SEC24D: variants seen among roughly 807,000 people sequenced by gnomAD.
SEC24D encodes SEC24 homolog D, COPII component.
SEC24D carries 69 observed loss-of-function variants against 116.9 expected under a neutral mutation model. That is an observed-to-expected ratio of 0.59 (90% confidence interval 0.49 to 0.72). The LOEUF is 0.72. SEC24D is among the 30% of genes least tolerant of loss of function. The pLI, the probability that SEC24D is intolerant of heterozygous loss-of-function variation, is 0.00. For synonymous variants in SEC24D, 405 were observed against 442.8 expected, an observed-to-expected ratio of 0.91 and a Z score of 1.07; for missense variants, 1,131 against 1,264.1, an observed-to-expected ratio of 0.89 and a Z score of 1.60.
At chr4:118,833,536 G>T in intron 2 of SEC24D, 43 bp downstream of exon 2, 2 of 1,322,092 alleles carry the variant, frequency 1.5e-6, no homozygotes, top group Non-Finnish European at 2.2e-6. Context: ...CTCTGAGCCT[G>T]AGAACTGAAT....
At chr4:118,732,205 GC>G (rs1725728262) in intron 20 of SEC24D, among the ~76,000 whole-genome samples, 1 of 152,028 alleles carries the variant, frequency 6.6e-6, no homozygotes, top group Non-Finnish European at 1.5e-5. Context: ...CACTATCTCG[GC>G]TCACTGCAAC....
intron 6 of SEC24D, among the ~76,000 whole-genome samples, chr4:118,812,616 C>T (rs1456350059): frequency 6.6e-6 from 1 of 151,600 alleles, no homozygotes; most frequent in African/African-American, 2.4e-5. Flanking sequence ...AGTCGGAGAC[C>T]CAGGGCCACT....
intron 6 of SEC24D, among the ~76,000 whole-genome samples, chr4:118,814,577 C>A (rs546896483): frequency 1.1e-4 from 17 of 152,242 alleles, no homozygotes; most frequent in African/African-American, 4.1e-4. Flanking sequence ...TTAGTTCTAA[C>A]TTTACATTAA....
In SEC24D at chr4:118,750,187, CGTT is replaced by C. The variant is rs200676153; in HGVS notation, c.1707+1806_1707+1808del. 1.2e-3 allele frequency among the ~76,000 whole-genome samples: 186 copies of C among 152,290 alleles called. 2 individuals are homozygous for C. In the East Asian group the frequency reaches 0.017, roughly 14 times the overall value. On this transcript the variant is annotated intron_variant, in intron 13 of 22. Transcript: ENST00000280551. ...GGCTGACTATACTGATTGCTGCAGT[CGTT>C]GTACTGCGTGAGCAACCTTGGAGAA... is the stretch of plus-strand genomic sequence containing the variant.
At chr4:118,769,581 C>A (rs1475502517) in intron 8 of SEC24D, among the ~76,000 whole-genome samples, 1 of 152,092 alleles carries the variant, frequency 6.6e-6, no homozygotes, top group Non-Finnish European at 1.5e-5. Flanking sequence ...AAACCGAGAT[C>A]CCCCATTGTC....
intron 8 of SEC24D, among the ~76,000 whole-genome samples, chr4:118,795,661 A>G (rs1042631651): frequency 6.6e-6 from 1 of 152,242 alleles, no homozygotes; most frequent in Admixed American, 6.5e-5. Context: ...TGTACAAAAT[A>G]GAGCATACTT....
chr4:118,774,720 C>T (rs1435767119), intron 8 of SEC24D, among the ~76,000 whole-genome samples: 1 of 152,124 alleles, frequency 6.6e-6, no homozygotes, highest in Non-Finnish European at 1.5e-5. Context: ...GGTAAGCATT[C>T]TAATTGTCTC....
intron 3 of SEC24D, among the ~76,000 whole-genome samples, chr4:118,819,286 C>G (rs1730287493): frequency 6.6e-6 from 1 of 151,920 alleles, no homozygotes. Context: ...AATTCCAGCA[C>G]TTTGGGAGGC....
intron 6 of SEC24D, among the ~76,000 whole-genome samples, chr4:118,806,535 G>A (rs566077805): frequency 1.3e-5 from 2 of 151,570 alleles, no homozygotes; most frequent in East Asian, 3.9e-4. Context: ...CTCTCCCTAT[G>A]TTGCCCAGGC....
chr4:118,784,753 C>T (rs1728593655), intron 8 of SEC24D, among the ~76,000 whole-genome samples: 1 of 150,448 alleles, frequency 6.6e-6, no homozygotes, highest in African/African-American at 2.4e-5. Flanking sequence ...CCCCCCCCGC[C>T]ACCAAATACA....
At chr4:118,725,357 A>T (rs181433285) in intron 22 of SEC24D, among the ~76,000 whole-genome samples, 7 of 152,208 alleles carry the variant, frequency 4.6e-5, no homozygotes, top group African/African-American at 1.7e-4. Context: ...GATGAACCTG[A>T]AGTCAGGATT....
At chr4:118,772,170 T>A (rs1254698079) in intron 8 of SEC24D, among the ~76,000 whole-genome samples, 1 of 152,218 alleles carries the variant, frequency 6.6e-6, no homozygotes, top group African/African-American at 2.4e-5. Flanking sequence ...CAAGCCTGGC[T>A]ACAGTATTTC....
intron 8 of SEC24D, among the ~76,000 whole-genome samples, chr4:118,791,254 A>G (rs910891093): frequency 6.6e-6 from 1 of 152,058 alleles, no homozygotes; most frequent in Non-Finnish European, 1.5e-5. Flanking sequence ...ACCCAAGGAG[A>G]GATTTCAGAG....
At position 118,815,684 on chromosome 4, in the gene SEC24D, A is replaced by G. The variant is rs2110524766; in HGVS notation, c.440T>C (p.Leu147Pro). The G allele has an allele frequency of 1.2e-6, 2 of 1,614,178 alleles. No homozygotes were observed. The highest frequency in any genetic ancestry group is 4.5e-5 in the East Asian group (2 of 44,880). Residue 147 changes from leucine (L) to proline (P), a missense_variant, in exon 5 of 23, where the codon CTG becomes CCG. Leu to Pro is a moderately conservative substitution (Grantham distance 98, BLOSUM62 -3). Coordinates refer to ENST00000280551, the MANE Select transcript of SEC24D (RefSeq NM_014822.4). Reference sequence around the variant, plus strand: ...AGGAGTCTGCAATGATGTGGCTGACAGAGGGCCAGGGGGTCCCTGGCTTGG... The same window carrying G: ...AGGAGTCTGCAATGATGTGGCTGACGGAGGGCCAGGGGGTCCCTGGCTTGG... ...APPSQGPPGP[L>P]SATSLQTPPR...
At chr4:118,770,685 C>T (rs1309350443) in intron 8 of SEC24D, among the ~76,000 whole-genome samples, 1 of 152,134 alleles carries the variant, frequency 6.6e-6, no homozygotes. Flanking sequence ...GCAAATTTGA[C>T]CTTATTATCA....
intron 13 of SEC24D, among the ~76,000 whole-genome samples, chr4:118,749,331 A>G (rs1349032867): frequency 2.0e-5 from 3 of 152,210 alleles, no homozygotes; most frequent in African/African-American, 7.2e-5. Context: ...GTTTATCTTC[A>G]TGACAAATTA....
intron 2 of SEC24D, among the ~76,000 whole-genome samples, chr4:118,828,389 G>A (rs540516848): frequency 1.4e-4 from 22 of 152,240 alleles, no homozygotes; most frequent in East Asian, 7.7e-4. Flanking sequence ...GATTACAGGC[G>A]TGAGCCACCG....
chr4:118,834,492 A>T (rs1383237696), intron 1 of SEC24D, among the ~76,000 whole-genome samples: 1 of 152,204 alleles, frequency 6.6e-6, no homozygotes, highest in Non-Finnish European at 1.5e-5. Flanking sequence ...GATTTTTTTT[A>T]AATCTTGATT....
intron 13 of SEC24D, among the ~76,000 whole-genome samples, chr4:118,749,416 C>T (rs1726716815): frequency 6.6e-6 from 1 of 152,150 alleles, no homozygotes; most frequent in Non-Finnish European, 1.5e-5. Flanking sequence ...ATAGATTTTA[C>T]TTGGCATCTA....
Sources: gnomAD v4.1 joint callset for allele counts (sites outside exome capture counted in the v4.1 genomes callset) on GRCh38, gnomAD v4.1.1 for gene constraint, MANE v1.5 for transcripts, NCBI Gene and HGNC (gene_info 2026-07-23, HGNC 2026-07-21) for gene names.